The following BICC1 variants were observed in gnomAD, a reference collection of about 807,000 sequenced individuals.
BICC1 encodes the protein protein bicaudal C homolog 1.
BICC1 carries 43 observed loss-of-function variants against 111.0 expected under a neutral mutation model. The ratio of observed to expected loss-of-function variants is 0.39; its 90% CI spans 0.30 to 0.50. The LOEUF (loss-of-function observed/expected upper bound fraction) is 0.50. Ranked by LOEUF, BICC1 falls within the 20% of genes least tolerant of loss-of-function variation. The pLI is 0.88. For synonymous variants in BICC1, 467 were observed against 434.4 expected (o/e 1.07, Z -0.93); for missense variants, 1,091 against 1,203.2 (o/e 0.91, Z 1.38).
intron 1 of BICC1, among the ~76,000 whole-genome samples, chr10:58,552,891 G>C (rs886304086): frequency 6.6e-6 from 1 of 152,106 alleles, no homozygotes; most frequent in Non-Finnish European, 1.5e-5. Context: ...TGATATTAAA[G>C]TATGTAGAAC....
At chr10:58,718,547 C>A (rs752678317) in intron 3 of BICC1, among the ~76,000 whole-genome samples, 12 of 152,056 alleles carry the variant, frequency 7.9e-5, no homozygotes, top group Non-Finnish European at 1.5e-4. Context: ...CTGTTCCCTC[C>A]TCGCCACCAA....
intron 3 of BICC1, among the ~76,000 whole-genome samples, chr10:58,750,112 C>G (rs188659436): frequency 6.6e-6 from 1 of 152,160 alleles, no homozygotes; most frequent in Admixed American, 6.6e-5. Context: ...CAGAAACAGA[C>G]CATGAGAAAC....
chr10:58,806,554 CAATA>C, intron 15 of BICC1, 26 bp from the exon 16 acceptor site: 1 of 1,604,072 alleles, frequency 6.2e-7, no homozygotes, highest in East Asian at 2.2e-5. Context: ...GAGAGACTGT[CAATA>C]AAGGTATTTT....
chr10:58,751,863 G>C (rs1431519500), intron 3 of BICC1, among the ~76,000 whole-genome samples: 3 of 152,074 alleles, frequency 2.0e-5, no homozygotes, highest in African/African-American at 7.2e-5. Flanking sequence ...TATTTTTAGG[G>C]AATCTAATGC....
At chr10:58,811,906 G>A (rs117929561) in intron 17 of BICC1, among the ~76,000 whole-genome samples, 1,734 of 152,234 alleles carry the variant, frequency 0.011, 66 homozygotes, top group Admixed American at 0.066. Flanking sequence ...AGAACCAGCC[G>A]GTGAGTTCCT....
intron 3 of BICC1, among the ~76,000 whole-genome samples, chr10:58,772,865 A>G (rs1193706401): frequency 6.6e-6 from 1 of 152,216 alleles, no homozygotes; most frequent in Non-Finnish European, 1.5e-5. Flanking sequence ...TTGAGATGGA[A>G]CATACAAATA....
At chr10:58,596,563 C>A (rs1338634995) in intron 1 of BICC1, among the ~76,000 whole-genome samples, 2 of 152,086 alleles carry the variant, frequency 1.3e-5, no homozygotes, top group Non-Finnish European at 2.9e-5. Context: ...CTGGCCAGGG[C>A]AATCAGGCAA....
chr10:58,829,086 C>T lies in BICC1; in HGVS notation c.*195C>T. ...GTTCTTATGATGTCATACAGAACAC[C>T]AAATATGGATTACTTTTTTAAAATG... On this transcript the variant is annotated 3_prime_UTR_variant, in exon 21 of 21. Coordinates refer to ENST00000373886, the MANE Select transcript of BICC1 (RefSeq NM_001080512.3). 2 of 507,094 alleles carry T rather than the reference C, an allele frequency of 3.9e-6. No homozygotes were observed. The highest frequency in any genetic ancestry group is 6.5e-6 in the Non-Finnish European group (2 of 305,434). The allele number at this position is 507,094 out of a possible 1,614,324, so 31.4% of individuals were successfully genotyped here.
chr10:58,560,543 G>A (rs1410943840), intron 1 of BICC1, among the ~76,000 whole-genome samples: 3 of 151,618 alleles, frequency 2.0e-5, no homozygotes, highest in Admixed American at 1.3e-4. Context: ...TATTTTTTTA[G>A]TCTCTATTTT....
chr10:58,674,257 C>T (rs1461711577), intron 2 of BICC1, among the ~76,000 whole-genome samples: 1 of 10,082 alleles, frequency 9.9e-5, no homozygotes, highest in African/African-American at 1.1e-4. Context: ...TTCCCTGAAA[C>T]TCAGATCAAG....
At chr10:58,539,896 A>G (rs1215319978) in intron 1 of BICC1, among the ~76,000 whole-genome samples, 1 of 151,938 alleles carries the variant, frequency 6.6e-6, no homozygotes, top group Non-Finnish European at 1.5e-5. Flanking sequence ...CAAAACTAGT[A>G]TTAAGAGAAG....
intron 2 of BICC1, among the ~76,000 whole-genome samples, chr10:58,663,744 G>A (rs1027457236): frequency 3.9e-5 from 6 of 152,150 alleles, no homozygotes; most frequent in Admixed American, 6.5e-5. Flanking sequence ...CCTGCATTCG[G>A]TGAAAAAATT....
chr10:58,649,004 C>CT (rs1838358131), intron 2 of BICC1, among the ~76,000 whole-genome samples: 1 of 152,146 alleles, frequency 6.6e-6, no homozygotes, highest in South Asian at 2.1e-4. Context: ...AGAAACTTCT[C>CT]TAATAACAAC....
At chr10:58,734,494 G>T (rs1230759956) in intron 3 of BICC1, among the ~76,000 whole-genome samples, 1 of 152,166 alleles carries the variant, frequency 6.6e-6, no homozygotes, top group Non-Finnish European at 1.5e-5. Flanking sequence ...TATGTGAACC[G>T]AGTGAAGAGG....
At position 58,581,087 on chromosome 10, in the gene BICC1, T is replaced by C. The variant is rs570883267; in HGVS notation, c.191-39768T>C. Among the ~76,000 whole-genome samples the C allele has an allele frequency of 6.6e-5, 10 of 152,336 alleles. No homozygotes were observed. The South Asian group carries it at 1.7e-3, about 25-fold the overall frequency. On this transcript the variant is annotated intron_variant, in intron 1 of 20. Transcript: ENST00000373886. ...ATTAAATGATGACTTTATTTCTTGG[T>C]GTTTCAGTTTTCCATACTTATAAAG... is the stretch of plus-strand genomic sequence containing the variant.
intron 3 of BICC1, among the ~76,000 whole-genome samples, chr10:58,747,585 C>T (rs1182727887): frequency 6.6e-6 from 1 of 152,010 alleles, no homozygotes; most frequent in Admixed American, 6.6e-5. Flanking sequence ...ATGTCTATCA[C>T]TTCATTTACC....
At chr10:58,724,812 CA>C (rs1306875501) in intron 3 of BICC1, among the ~76,000 whole-genome samples, 2 of 152,216 alleles carry the variant, frequency 1.3e-5, no homozygotes, top group Non-Finnish European at 2.9e-5. Context: ...ACAGGCGCTG[CA>C]CCTTCAGGTC....
chr10:58,721,935 T>C (rs1840952306), intron 3 of BICC1, among the ~76,000 whole-genome samples: 3 of 152,214 alleles, frequency 2.0e-5, no homozygotes, highest in Non-Finnish European at 4.4e-5. Context: ...AAAGTCATGG[T>C]TAATGACTTG....
At chr10:58,738,168 C>T (rs1214372362) in intron 3 of BICC1, among the ~76,000 whole-genome samples, 1 of 152,174 alleles carries the variant, frequency 6.6e-6, no homozygotes, top group Non-Finnish European at 1.5e-5. Flanking sequence ...TTGACCATGC[C>T]TGTGTCCTGA....
Sources: gnomAD v4.1 joint callset for allele counts (sites outside exome capture counted in the v4.1 genomes callset) on GRCh38, gnomAD v4.1.1 for gene constraint, MANE v1.5 for transcripts, NCBI Gene and HGNC (gene_info 2026-07-23, HGNC 2026-07-21) for gene names.